Variants in TUSC3 observed in about 807,000 individuals in gnomAD.
TUSC3 encodes tumor suppressor candidate 3, also known as dolichyl-diphosphooligosaccharide--protein glycosyltransferase subunit TUSC3.
TUSC3 carries 45 observed loss-of-function variants against 44.8 expected under a neutral mutation model. The observed-to-expected ratio is 1.00, with a 90% CI of 0.79 to 1.29. TUSC3 has a LOEUF of 1.29. TUSC3 is among the 50% of genes most tolerant of loss of function. The probability of loss-of-function intolerance (pLI) is 0.00; values close to 1 mark genes in which losing one functional copy is unlikely to be tolerated. For missense variants in TUSC3, 519 were observed against 437.9 expected (o/e 1.19, Z -1.65); for synonymous variants, 212 against 152.9 (o/e 1.39, Z -2.85).
chr8:15,837,240 A>G, the TUSC3 span, among the ~76,000 whole-genome samples: 2 of 152,164 alleles, frequency 1.3e-5, no homozygotes, highest in Non-Finnish European at 2.9e-5. Flanking sequence ...AAAATCACGT[A>G]ACTTATTAAG....
At chr8:15,673,098 C>G (rs937885962) in intron 5 of TUSC3, among the ~76,000 whole-genome samples, 1 of 152,058 alleles carries the variant, frequency 6.6e-6, no homozygotes, top group Admixed American at 6.6e-5. Flanking sequence ...TTTATGCATT[C>G]TCTCCCCACC....
In TUSC3 at chr8:15,766,551, G is replaced by C. The variant is rs932852873; in HGVS notation, c.*2395G>C. 1 of 152,050 alleles carries C rather than the reference G, an allele frequency of 6.6e-6. No individual in the cohort carries two copies. The highest frequency in any genetic ancestry group is 1.5e-5 in the Non-Finnish European group (1 of 67,976). The allele number at this position is 152,050 out of a possible 1,614,324, so 9.4% of individuals were successfully genotyped here. On this transcript the variant is annotated 3_prime_UTR_variant, in exon 11 of 11. Transcript: ENST00000503731. Reference sequence around the variant, plus strand: ...CCCAATTATAAAATTCCACCTAAAGGAGTTTCATTTTGTAATAACATCTGA... The same window carrying C: ...CCCAATTATAAAATTCCACCTAAAGCAGTTTCATTTTGTAATAACATCTGA...
At chr8:15,536,091 C>G (rs144126507), upstream of TUSC3, among the ~76,000 whole-genome samples, 946 of 152,196 alleles carry the variant, frequency 6.2e-3, 11 homozygotes, top group African/African-American at 0.022. Context: ...CCAGGGAATA[C>G]AAAAGATTGG....
chr8:15,517,071 C>T (rs1023763952), intron 2 of TUSC3, among the ~76,000 whole-genome samples: 36 of 152,256 alleles, frequency 2.4e-4, no homozygotes, highest in African/African-American at 8.4e-4. Context: ...CCATGACCGA[C>T]GTCACTAATC....
intron 9 of TUSC3, chr8:15,748,803 A>G (rs1811535950): frequency 3.9e-6 from 2 of 507,394 alleles, no homozygotes; most frequent in Admixed American, 2.1e-5. Context: ...GTTTTCTCAT[A>G]TAATTCACTG....
At chr8:15,843,596 ATAT>A in the TUSC3 span, among the ~76,000 whole-genome samples, 13,219 of 135,744 alleles carry the variant, frequency 0.097, 794 homozygotes, top group Middle Eastern at 0.2. Context: ...TGATGTACAT[ATAT>A]ATATATATAT....
chr8:15,766,692 C>T (rs1039833917), downstream of TUSC3: 2 of 152,080 alleles, frequency 1.3e-5, no homozygotes, highest in Non-Finnish European at 2.9e-5. Context: ...GAAGTAACAT[C>T]CCTTGTCAAT....
intron 2 of TUSC3, among the ~76,000 whole-genome samples, chr8:15,489,422 T>A (rs1800777249): frequency 6.6e-6 from 1 of 152,210 alleles, no homozygotes; most frequent in African/African-American, 2.4e-5. Context: ...GGCAGCTGTT[T>A]TCTATTCAGA....
intron 2 of TUSC3, among the ~76,000 whole-genome samples, chr8:15,522,430 G>A (rs1369873723): frequency 4.6e-5 from 7 of 151,696 alleles, no homozygotes; most frequent in Admixed American, 6.6e-5. Flanking sequence ...AAAGGGTTTC[G>A]CCATGTTGGC....
intron 1 of TUSC3, among the ~76,000 whole-genome samples, chr8:15,433,041 G>A (rs571435564): frequency 1.0e-3 from 156 of 152,266 alleles, no homozygotes; most frequent in African/African-American, 2.9e-3. Flanking sequence ...AAACTGAAGG[G>A]AGTTGATAGG....
At chr8:15,710,258 AT>A (rs1809788992) in intron 6 of TUSC3, among the ~76,000 whole-genome samples, 1 of 151,790 alleles carries the variant, frequency 6.6e-6, no homozygotes, top group Admixed American at 6.6e-5. Flanking sequence ...GCTACCACTT[AT>A]GCTACCTAAT....
At chr8:15,418,716 A>G (rs1432580548) in intron 1 of TUSC3, among the ~76,000 whole-genome samples, 1 of 152,244 alleles carries the variant, frequency 6.6e-6, no homozygotes, top group Admixed American at 6.5e-5. Context: ...ATTAAGAATT[A>G]AAGATTAGGC....
chr8:15,542,784 A>C (rs963486261), intron 1 of TUSC3, among the ~76,000 whole-genome samples: 2 of 152,222 alleles, frequency 1.3e-5, no homozygotes, highest in East Asian at 3.8e-4. Flanking sequence ...CTTGCAAATT[A>C]GTTTTATTTC....
Position 15,633,587 on chromosome 8 carries a change from A to AT in TUSC3, c.308+10345dup, listed in dbSNP as rs917208012. ...GATGCCATATCAGCAAAAGAGGGCA[A>AT]TTTTTTTACTAAATTCTATTTTATT... On this transcript the variant is annotated intron_variant, in intron 2 of 10. Transcript: ENST00000503731. Among the ~76,000 whole-genome samples the AT allele has an allele frequency of 1.4e-4, 21 of 152,210 alleles. 1 individual carries two copies. Among genetic ancestry groups the AT allele is most frequent in the African/African-American group, 3.6e-4 (15 of 41,540 alleles).
chr8:15,620,337 A>G (rs1457147250), intron 1 of TUSC3, among the ~76,000 whole-genome samples: 5 of 152,204 alleles, frequency 3.3e-5, no homozygotes, highest in Non-Finnish European at 7.4e-5. Context: ...ACTAACAGGC[A>G]TTTTGTTTAA....
chr8:15,530,621 A>G (rs1801436938), intron 2 of TUSC3, among the ~76,000 whole-genome samples: 1 of 152,172 alleles, frequency 6.6e-6, no homozygotes, highest in African/African-American at 2.4e-5. Context: ...TAGAGTAGGG[A>G]TTAAAAAGAC....
intron 2 of TUSC3, among the ~76,000 whole-genome samples, chr8:15,507,847 A>G (rs912780563): frequency 6.6e-6 from 1 of 152,144 alleles, no homozygotes; most frequent in Admixed American, 6.6e-5. Context: ...AAAAAGATTA[A>G]TGGCCTCCCC....
At chr8:15,792,206 A>G in the TUSC3 span, among the ~76,000 whole-genome samples, 1 of 152,152 alleles carries the variant, frequency 6.6e-6, no homozygotes, top group Non-Finnish European at 1.5e-5. Flanking sequence ...TCAAATATAT[A>G]CCAAGCAATG....
intron 1 of TUSC3, among the ~76,000 whole-genome samples, chr8:15,556,832 C>T (rs531386165): frequency 8.0e-4 from 99 of 124,128 alleles, no homozygotes; most frequent in African/African-American, 2.8e-3. Context: ...ATGTCCTTTG[C>T]CCACTTTTTG....
Sources: gnomAD v4.1 joint callset for allele counts (sites outside exome capture counted in the v4.1 genomes callset) on GRCh38, gnomAD v4.1.1 for gene constraint, MANE v1.5 for transcripts, NCBI Gene and HGNC (gene_info 2026-07-23, HGNC 2026-07-21) for gene names.